Variants in STK32C observed in about 807,000 individuals in gnomAD.
STK32C encodes serine/threonine kinase 32C.
Under a neutral mutation model 56.5 loss-of-function variants are expected in STK32C, and 31 were observed. That is an observed-to-expected ratio of 0.55 (90% CI 0.41 to 0.74). The LOEUF (loss-of-function observed/expected upper bound fraction) is 0.74. STK32C is among the 30% of genes least tolerant of loss of function. The pLI is 0.00. For synonymous variants in STK32C, 309 were observed against 289.4 expected (o/e 1.07, Z -0.69); for missense variants, 544 against 676.9 (o/e 0.80, Z 2.18).
intron 1 of STK32C, among the ~76,000 whole-genome samples, chr10:132,287,453 G>A (rs1590399527): frequency 6.7e-6 from 1 of 149,882 alleles, no homozygotes; most frequent in East Asian, 2.0e-4. Context: ...TCGTGCCACT[G>A]TACTCTCCAG....
At chr10:132,210,094 C>T (rs896650658) in intron 10 of STK32C, among the ~76,000 whole-genome samples, 3 of 152,216 alleles carry the variant, frequency 2.0e-5, no homozygotes, top group African/African-American at 7.2e-5. Flanking sequence ...GGACCACCCC[C>T]CCATGCGATT....
intron 1 of STK32C, among the ~76,000 whole-genome samples, chr10:132,257,609 T>C (rs190808223): frequency 1.8e-3 from 272 of 152,060 alleles, no homozygotes; most frequent in Admixed American, 3.4e-3. Flanking sequence ...CCACCCCATC[T>C]GGTGCCCACC....
At chr10:132,288,179 A>G (rs1477703403) in intron 1 of STK32C, among the ~76,000 whole-genome samples, 1 of 152,200 alleles carries the variant, frequency 6.6e-6, no homozygotes. Flanking sequence ...GAGGGAGGGA[A>G]GAAGAGGGGA....
At chr10:132,263,157 G>C (rs1404701789) in intron 1 of STK32C, among the ~76,000 whole-genome samples, 10 of 152,208 alleles carry the variant, frequency 6.6e-5, no homozygotes, top group Admixed American at 6.5e-4. Flanking sequence ...TCATTGTGGT[G>C]CTAATCACAA....
At chr10:132,210,074 C>T (rs2137558474) in intron 10 of STK32C, among the ~76,000 whole-genome samples, 1 of 152,312 alleles carries the variant, frequency 6.6e-6, no homozygotes, top group Admixed American at 6.5e-5. Context: ...CCCAGTGTTA[C>T]CATCTTACGG....
In STK32C at chr10:132,240,908, G is replaced by A. The variant is rs61212404; in HGVS notation, c.318+4992C>T. ...CAAGGGGCTCTCGAACCCCCAAAGGGGCACCACACCCCTAGAGACACGCCT... is the reference window on the plus strand; with the variant it reads ...CAAGGGGCTCTCGAACCCCCAAAGGAGCACCACACCCCTAGAGACACGCCT... On this transcript the variant is annotated intron_variant, in intron 2 of 11. Transcript: ENST00000298630. Among the ~76,000 whole-genome samples the A allele has an allele frequency of 7.2e-5, 11 of 151,952 alleles. No homozygotes were observed. The East Asian group carries it at 1.9e-3, about 27-fold the overall frequency.
chr10:132,234,438 T>C (rs2063205400), intron 2 of STK32C, among the ~76,000 whole-genome samples: 1 of 152,192 alleles, frequency 6.6e-6, no homozygotes, highest in Non-Finnish European at 1.5e-5. Context: ...CACTTCGCTT[T>C]TTCTGCCTTG....
intron 7 of STK32C, among the ~76,000 whole-genome samples, chr10:132,224,803 C>T (rs2062822767): frequency 6.6e-6 from 1 of 152,174 alleles, no homozygotes; most frequent in African/African-American, 2.4e-5. Context: ...AGGGAGCTGG[C>T]TTCCTCAGAG....
chr10:132,296,251 C>T (rs1279500001), intron 1 of STK32C, among the ~76,000 whole-genome samples: 3 of 151,792 alleles, frequency 2.0e-5, no homozygotes, highest in South Asian at 4.2e-4. Flanking sequence ...GTTTGAGAAA[C>T]GGTCACAGCA....
At chr10:132,298,427 T>C (rs2065818739) in intron 1 of STK32C, among the ~76,000 whole-genome samples, 2 of 152,280 alleles carry the variant, frequency 1.3e-5, no homozygotes, top group African/African-American at 2.4e-5. Flanking sequence ...ACGGCTGTGG[T>C]GGTGTGAGAC....
intron 11 of STK32C, among the ~76,000 whole-genome samples, chr10:132,208,673 CT>C (rs1292880068): frequency 6.6e-6 from 1 of 152,182 alleles, no homozygotes; most frequent in Non-Finnish European, 1.5e-5. Context: ...TGTGCCCTTT[CT>C]GTCCCCTGGG....
chr10:132,293,880 C>A (rs2065649870), intron 1 of STK32C, among the ~76,000 whole-genome samples: 1 of 152,180 alleles, frequency 6.6e-6, no homozygotes, highest in Admixed American at 6.5e-5. Flanking sequence ...GGAGCCAGGG[C>A]ACAGGGGGCC....
At chr10:132,209,358 G>A (rs374608735) in intron 10 of STK32C, 5 of 698,842 alleles carry the variant, frequency 7.2e-6, no homozygotes, top group Admixed American at 3.9e-5. Flanking sequence ...GACTTGCTCC[G>A]TGGGGCCTGC....
intron 1 of STK32C, 77 bp from the exon 2 acceptor site, chr10:132,246,032 T>G: frequency 1.4e-6 from 2 of 1,382,112 alleles, no homozygotes; most frequent in Non-Finnish European, 2.0e-6. Context: ...CACCTCAACA[T>G]CCCCCACCCC....
chr10:132,293,807 G>A (rs2065646242), intron 1 of STK32C, among the ~76,000 whole-genome samples: 1 of 152,232 alleles, frequency 6.6e-6, no homozygotes, highest in African/African-American at 2.4e-5. Flanking sequence ...GGGAATGGGG[G>A]TGGGGACAGC....
chr10:132,301,695 A>G (rs1184238272), intron 1 of STK32C, among the ~76,000 whole-genome samples: 1 of 152,236 alleles, frequency 6.6e-6, no homozygotes, highest in Non-Finnish European at 1.5e-5. Context: ...AAAATGCAAG[A>G]TGTGAACCAG....
At chr10:132,229,508 G>C (rs2063019978) in intron 2 of STK32C, among the ~76,000 whole-genome samples, 1 of 152,214 alleles carries the variant, frequency 6.6e-6, no homozygotes, top group Non-Finnish European at 1.5e-5. Flanking sequence ...AAAAAATTAA[G>C]TCAGATGATT....
At chr10:132,279,161 CCA>C (rs2065077666) in intron 1 of STK32C, among the ~76,000 whole-genome samples, 1 of 152,172 alleles carries the variant, frequency 6.6e-6, no homozygotes, top group Non-Finnish European at 1.5e-5. Flanking sequence ...CTGTGAAGTT[CCA>C]CAGTCAGCAA....
Position 132,245,021 on chromosome 10 carries a change from CTT to C in STK32C, c.318+877_318+878del, listed in dbSNP as rs201463553. 6.6e-3 allele frequency among the ~76,000 whole-genome samples: 1,009 copies of C among 152,332 alleles called. 14 individuals are homozygous for C. The highest frequency in any genetic ancestry group is 0.023 in the African/African-American group (939 of 41,570). ...GCGCAAAGGGGCTCATTTGCTCTGA[CTT>C]TTCATCATCCCAGGCCTCAAGTAAC... is the stretch of plus-strand genomic sequence containing the variant. On this transcript the variant is annotated intron_variant, in intron 2 of 11. Coordinates refer to ENST00000298630, the MANE Select transcript of STK32C (RefSeq NM_173575.4).
Sources: gnomAD v4.1 joint callset for allele counts (sites outside exome capture counted in the v4.1 genomes callset) on GRCh38, gnomAD v4.1.1 for gene constraint, MANE v1.5 for transcripts, NCBI Gene and HGNC (gene_info 2026-07-23, HGNC 2026-07-21) for gene names.